The following DSCAML1 variants were observed in gnomAD, a reference collection of about 807,000 sequenced individuals.
The protein encoded by DSCAML1 is cell adhesion molecule DSCAML1.
Under a neutral mutation model 200.5 loss-of-function variants are expected in DSCAML1, and 38 were observed. That is an observed-to-expected ratio of 0.19 (90% confidence interval 0.15 to 0.25). DSCAML1 has a LOEUF of 0.25. Ranked by LOEUF, DSCAML1 falls within the 10% of genes least tolerant of loss-of-function variation. DSCAML1 has a pLI of 1.00. For missense variants in DSCAML1, 2,223 were observed against 2,858.8 expected (o/e 0.78, Z 5.07); for synonymous variants, 1,215 against 1,165.0 (o/e 1.04, Z -0.87).
chr11:117,475,973 C>T (rs965759552), intron 14 of DSCAML1, among the ~76,000 whole-genome samples: 2 of 152,124 alleles, frequency 1.3e-5, no homozygotes, highest in African/African-American at 2.4e-5. Flanking sequence ...TCTCCCTGAC[C>T]CTGAATGGCT....
At chr11:117,612,111 C>G (rs537826490) in intron 3 of DSCAML1, 5 of 152,336 alleles carry the variant, frequency 3.3e-5, no homozygotes, top group Non-Finnish European at 7.3e-5. Flanking sequence ...GAACAGTGCT[C>G]TGTATACAGT....
intron 3 of DSCAML1, among the ~76,000 whole-genome samples, chr11:117,567,497 A>G (rs1427884309): frequency 6.6e-6 from 1 of 152,126 alleles, no homozygotes; most frequent in Non-Finnish European, 1.5e-5. Context: ...TCAGATGAGT[A>G]GGTTGTGAAA....
At chr11:117,495,014 TATG>T (rs1264379444) in intron 11 of DSCAML1, among the ~76,000 whole-genome samples, 1 of 152,168 alleles carries the variant, frequency 6.6e-6, no homozygotes, top group East Asian at 1.9e-4. Context: ...CCATGCAGCT[TATG>T]GTACTTTGTG....
intron 3 of DSCAML1, among the ~76,000 whole-genome samples, chr11:117,581,146 A>T (rs562579313): frequency 6.6e-6 from 1 of 152,254 alleles, no homozygotes; most frequent in African/African-American, 2.4e-5. Flanking sequence ...CCCTGTGAAA[A>T]ATTGCCGTGC....
chr11:117,718,738 C>G (rs1037224264), intron 3 of DSCAML1, among the ~76,000 whole-genome samples: 3 of 131,670 alleles, frequency 2.3e-5, no homozygotes, highest in African/African-American at 8.4e-5. Context: ...AGAAGCTACT[C>G]GTTACTGCGC....
intron 3 of DSCAML1, among the ~76,000 whole-genome samples, chr11:117,631,805 G>A (rs1357298291): frequency 6.6e-6 from 1 of 152,182 alleles, no homozygotes; most frequent in African/African-American, 2.4e-5. Flanking sequence ...CAGGCCCTGA[G>A]CTATGCTCTG....
intron 3 of DSCAML1, among the ~76,000 whole-genome samples, chr11:117,536,165 G>T (rs546805858): frequency 1.3e-5 from 2 of 151,638 alleles, no homozygotes; most frequent in Admixed American, 1.3e-4. Context: ...GTCCCCTTGG[G>T]GGGGCTTGTG....
intron 3 of DSCAML1, among the ~76,000 whole-genome samples, chr11:117,665,105 T>C (rs1453776163): frequency 6.6e-6 from 1 of 152,184 alleles, no homozygotes; most frequent in Non-Finnish European, 1.5e-5. Flanking sequence ...CCTGCCCTTA[T>C]GACCCTCCCT....
At chr11:117,550,495 A>G (rs553590907) in intron 3 of DSCAML1, among the ~76,000 whole-genome samples, 160 of 152,322 alleles carry the variant, frequency 1.1e-3, no homozygotes, top group Non-Finnish European at 2.0e-3. Context: ...GCTGCTGCCC[A>G]TGGCCAGCTT....
At chr11:117,561,913 C>A (rs569320132) in intron 3 of DSCAML1, among the ~76,000 whole-genome samples, 1 of 152,302 alleles carries the variant, frequency 6.6e-6, no homozygotes, top group African/African-American at 2.4e-5. Flanking sequence ...TGCCTGGCAC[C>A]AATAGTCAAC....
In DSCAML1 at chr11:117,606,247, A is replaced by G. The variant is rs80157660; in HGVS notation, c.512-73725T>C. 8.8e-3 allele frequency among the ~76,000 whole-genome samples: 1,338 copies of G among 152,260 alleles called. 25 individuals carry two copies. The highest frequency in any genetic ancestry group is 0.031 in the African/African-American group (1,273 of 41,546). Reference sequence around the variant, plus strand: ...AAGTAATATTTTCCCCCTGAGGACCAGACAGAAAATTAGGGATTAGGAATG... The same window carrying G: ...AAGTAATATTTTCCCCCTGAGGACCGGACAGAAAATTAGGGATTAGGAATG... On this transcript the variant is annotated intron_variant, in intron 3 of 32. Coordinates refer to ENST00000651296, the MANE Select transcript of DSCAML1 (RefSeq NM_020693.4).
chr11:117,487,918 C>T (rs1020723030), intron 11 of DSCAML1, among the ~76,000 whole-genome samples: 4 of 152,202 alleles, frequency 2.6e-5, no homozygotes, highest in African/African-American at 9.6e-5. Flanking sequence ...TGTGGCCTCA[C>T]AGAAAGGAGT....
chr11:117,503,589 C>A lies in DSCAML1; in HGVS notation c.2359+256G>T, dbSNP rs974184482. Among the ~76,000 whole-genome samples the A allele has an allele frequency of 1.3e-5, 2 of 152,182 alleles. No individual in the cohort carries two copies. The highest frequency in any genetic ancestry group is 4.8e-5 in the African/African-American group (2 of 41,420). ...GTAAACAGGATGCTACGTGATATTG[C>A]AGCAGAGCAAATCATGAGCTTATTG... On this transcript the variant is annotated intron_variant, in intron 11 of 32. Coordinates refer to ENST00000651296, the MANE Select transcript of DSCAML1 (RefSeq NM_020693.4). The surrounding 1 kb of genome is among the most constrained non-coding windows in gnomAD (Gnocchi z 5.2).
intron 3 of DSCAML1, among the ~76,000 whole-genome samples, chr11:117,591,421 G>A (rs1299902699): frequency 6.6e-6 from 1 of 152,202 alleles, no homozygotes; most frequent in Admixed American, 6.5e-5. Context: ...CAGAAACCTC[G>A]TCTGCTAGGA....
At chr11:117,486,911 CTTTTTTTT>C (rs56805170) in intron 11 of DSCAML1, among the ~76,000 whole-genome samples, 64 of 79,666 alleles carry the variant, frequency 8.0e-4, no homozygotes, top group African/African-American at 1.8e-3. Context: ...TGTAAAATAC[CTTTTTTTT>C]TTTTTTTTTT....
At chr11:117,800,265 C>CG (rs1223412455), upstream of DSCAML1, among the ~76,000 whole-genome samples, 1 of 152,164 alleles carries the variant, frequency 6.6e-6, no homozygotes, top group Admixed American at 6.5e-5. Flanking sequence ...AATGAAACGC[C>CG]GGGGAAGAGA....
At position 117,517,326 on chromosome 11, in the gene DSCAML1, G is replaced by C. The variant is rs1221502287; in HGVS notation, c.1511-587C>G. 4.6e-5 allele frequency among the ~76,000 whole-genome samples: 7 copies of C among 152,176 alleles called. No individual in the cohort carries two copies. The East Asian group carries it at 9.6e-4, about 21-fold the overall frequency. On this transcript the variant is annotated intron_variant, in intron 7 of 32. Transcript: ENST00000651296. ...GCTCTGATAGTGCTGGCTGGGGAGAGAGAGTGTCCTGGGCTAGGCTTGCTG... is the reference window on the plus strand; with the variant it reads ...GCTCTGATAGTGCTGGCTGGGGAGACAGAGTGTCCTGGGCTAGGCTTGCTG...
intron 3 of DSCAML1, among the ~76,000 whole-genome samples, chr11:117,764,124 C>A (rs893603848): frequency 2.0e-5 from 3 of 152,294 alleles, no homozygotes; most frequent in Non-Finnish European, 4.4e-5. Flanking sequence ...TTCCATACCT[C>A]TGCCCACCCT....
chr11:117,680,113 C>T (rs769481874), intron 3 of DSCAML1, among the ~76,000 whole-genome samples: 23 of 152,218 alleles, frequency 1.5e-4, no homozygotes, highest in Non-Finnish European at 2.9e-4. Context: ...GACAGCCCGA[C>T]CATGAGATCT....
Sources: allele counts gnomAD v4.1 joint callset (sites outside exome capture counted in the v4.1 genomes callset), GRCh38; gene constraint gnomAD v4.1.1; non-coding constraint Gnocchi (gnomAD v3.1); transcripts MANE v1.5; gene names NCBI Gene and HGNC (gene_info 2026-07-23, HGNC 2026-07-21).